Variants in DYNC2H1 observed in about 807,000 individuals in gnomAD.
DYNC2H1 encodes the protein dynein cytoplasmic 2 heavy chain 1.
In DYNC2H1, 410 loss-of-function variants were observed where a neutral mutation model predicts 570.0. The observed-to-expected ratio is 0.72, with a 90% CI of 0.66 to 0.78. DYNC2H1 has a LOEUF of 0.78. Ranked by LOEUF, DYNC2H1 falls within the 30% of genes least tolerant of loss-of-function variation. The probability of loss-of-function intolerance (pLI) is 0.00; values close to 1 mark genes in which losing one functional copy is unlikely to be tolerated. For synonymous variants in DYNC2H1, 1,688 were observed against 1,677.6 expected (o/e 1.01, Z -0.15); for missense variants, 4,865 against 5,046.4 (o/e 0.96, Z 1.09).
chr11:103,357,704 G>A (rs775076528), intron 82 of DYNC2H1, among the ~76,000 whole-genome samples: 1 of 152,226 alleles, frequency 6.6e-6, no homozygotes, highest in Admixed American at 6.5e-5. Flanking sequence ...TATAATCCCA[G>A]CATTTTGGGA....
At position 103,170,401 on chromosome 11, in the gene DYNC2H1, A is replaced by G. The variant is rs1861520348; in HGVS notation, c.5151+111A>G. 9.0e-7 allele frequency: 1 copy of G among 1,114,154 alleles called. No individual in the cohort carries two copies. The highest frequency in any genetic ancestry group is 1.2e-6 in the Non-Finnish European group (1 of 824,194). The allele number at this position is 1,114,154 out of a possible 1,614,324, so 69.0% of individuals were successfully genotyped here. On this transcript the variant is annotated intron_variant, in intron 33 of 88. Transcript: ENST00000375735. The surrounding 1 kb of genome is among the most constrained non-coding windows in gnomAD (Gnocchi z 4.8). Reference sequence around the variant, plus strand: ...AAAATCACTACATTTAAATTAGTTGAAGACAGAATTTGTTTAAATTGAAAT... The same window carrying G: ...AAAATCACTACATTTAAATTAGTTGGAGACAGAATTTGTTTAAATTGAAAT...
Position 103,243,883 on chromosome 11 carries a change from C to A in DYNC2H1, c.9918+92C>A. 2 of 982,530 alleles carry A rather than the reference C, an allele frequency of 2.0e-6. No individual in the cohort carries two copies. The highest frequency in any genetic ancestry group is 3.0e-6 in the Non-Finnish European group (2 of 669,472). The allele number at this position is 982,530 out of a possible 1,614,324, so 60.9% of individuals were successfully genotyped here. Reference sequence around the variant, plus strand: ...CTATAATCAGAAAACATAGATTCAACACTGGGTCCTACTGTATGGGACCTT... The same window carrying A: ...CTATAATCAGAAAACATAGATTCAAAACTGGGTCCTACTGTATGGGACCTT... On this transcript the variant is annotated intron_variant, in intron 64 of 88. Transcript: ENST00000375735. The surrounding 1 kb of genome is among the most constrained non-coding windows in gnomAD (Gnocchi z 4.8).
At chr11:103,316,660 T>C in intron 80 of DYNC2H1, 40 bp downstream of exon 80, 2 of 1,382,394 alleles carry the variant, frequency 1.4e-6, no homozygotes, top group Non-Finnish European at 1.9e-6. Context: ...ATTAATAAAA[T>C]ATTTTATCTG....
chr11:103,162,901 G>T (rs958808986), intron 29 of DYNC2H1, 127 bp from the exon 30 acceptor site: 3 of 735,026 alleles, frequency 4.1e-6, no homozygotes, highest in African/African-American at 3.6e-5. Context: ...CAATAGGAAA[G>T]TATAATACCC....
Position 103,468,616 on chromosome 11 carries a change from A to G in DYNC2H1, c.12676A>G (p.Ser4226Gly). The G allele has an allele frequency of 6.2e-7, 1 of 1,613,546 alleles. No individual in the cohort carries two copies. The highest frequency in any genetic ancestry group is 8.5e-7 in the Non-Finnish European group (1 of 1,179,622). ...CAGTGGCTTGTTACTAGAAGGATGT[A>G]GTTTTGATGGAAATCAACTTTCTGA... ...KISGLLLEGCSFDGNQLSENQ... is the reference protein window; with the variant it reads ...KISGLLLEGCGFDGNQLSENQ... The change falls in exon 88 of 89, where the codon AGT becomes GGT. Residue 4226 changes from serine to glycine, a missense_variant. By Grantham distance (56) the Ser-to-Gly change is moderately conservative (BLOSUM62 0). This residue lies in a region of DYNC2H1 where 2,401 missense variants were observed against 2,454.6 expected (regional missense o/e 0.98). Coordinates refer to ENST00000375735, the MANE Select transcript of DYNC2H1 (RefSeq NM_001377.3).
Position 103,185,134 on chromosome 11 carries a change from C to A in DYNC2H1, c.6633+83C>A. 1 of 1,303,080 alleles carries A rather than the reference C, an allele frequency of 7.7e-7. No individual in the cohort carries two copies. The allele number at this position is 1,303,080 out of a possible 1,614,324, so 80.7% of individuals were successfully genotyped here. On this transcript the variant is annotated intron_variant, in intron 41 of 88. Coordinates refer to ENST00000375735, the MANE Select transcript of DYNC2H1 (RefSeq NM_001377.3). This position sits in a 1 kb window ranked among gnomAD's most constrained non-coding sequence, Gnocchi z 4.5. ...ACTGCCAAAACACAATGATTTGTAACTGTAAGATATGGAACTTTTAAAATT... is the reference window on the plus strand; with the variant it reads ...ACTGCCAAAACACAATGATTTGTAAATGTAAGATATGGAACTTTTAAAATT...
chr11:103,320,882 C>A, intron 80 of DYNC2H1, 147 bp from the exon 81 acceptor site: 1 of 653,200 alleles, frequency 1.5e-6, no homozygotes, highest in Admixed American at 3.4e-5. Flanking sequence ...TAAAAAATCT[C>A]AAATATTTAC....
chr11:103,162,281 C>G (rs1050838396), intron 29 of DYNC2H1, among the ~76,000 whole-genome samples: 10 of 151,156 alleles, frequency 6.6e-5, no homozygotes, highest in Middle Eastern at 3.2e-3. Flanking sequence ...GAATGCTCTA[C>G]AGATTGAAAA....
intron 81 of DYNC2H1, among the ~76,000 whole-genome samples, chr11:103,322,734 G>C (rs1938278522): frequency 2.0e-5 from 3 of 152,112 alleles, no homozygotes; most frequent in African/African-American, 7.2e-5. Flanking sequence ...ACTCTACAAA[G>C]AGTAAATATT....
chr11:103,272,945 C>T (rs1037280023), intron 70 of DYNC2H1, among the ~76,000 whole-genome samples: 1 of 151,958 alleles, frequency 6.6e-6, no homozygotes, highest in African/African-American at 2.4e-5. Context: ...TTAAACAAAA[C>T]TCAAGTATAT....
intron 52 of DYNC2H1, among the ~76,000 whole-genome samples, chr11:103,206,210 G>A (rs1339651475): frequency 6.6e-6 from 1 of 152,116 alleles, no homozygotes; most frequent in Non-Finnish European, 1.5e-5. Context: ...AAAGTGAGGG[G>A]TCAATGATCC....
chr11:103,223,781 C>G (rs1863692586), intron 59 of DYNC2H1, among the ~76,000 whole-genome samples: 2 of 149,222 alleles, frequency 1.3e-5, no homozygotes, highest in South Asian at 4.2e-4. Flanking sequence ...CAGAGTCTTG[C>G]TCTGTCGCCA....
At chr11:103,295,428 G>A (rs1392986533) in intron 75 of DYNC2H1, among the ~76,000 whole-genome samples, 9 of 152,192 alleles carry the variant, frequency 5.9e-5, no homozygotes, top group Admixed American at 5.9e-4. Context: ...GCGAAGCTAG[G>A]ACACAAAGGA....
intron 11 of DYNC2H1, among the ~76,000 whole-genome samples, chr11:103,123,537 C>T (rs1035337912): frequency 3.9e-5 from 6 of 151,982 alleles, no homozygotes; most frequent in South Asian, 4.2e-4. Context: ...GGAAACTGAA[C>T]GGTGTTAGGG....
intron 58 of DYNC2H1, 58 bp from the exon 59 acceptor site, chr11:103,222,907 C>T: frequency 6.2e-7 from 1 of 1,601,906 alleles, no homozygotes; most frequent in Non-Finnish European, 8.5e-7. Context: ...TTAGAATTAA[C>T]TTTGCTTTCA....
intron 28 of DYNC2H1, among the ~76,000 whole-genome samples, chr11:103,159,941 T>A (rs183577198): frequency 5.2e-4 from 79 of 152,200 alleles, no homozygotes; most frequent in Admixed American, 1.3e-3. Context: ...GAATGCAGAG[T>A]TGAGTAGTTG....
Position 103,241,870 on chromosome 11 carries a change from A to G in DYNC2H1, c.9820-1823A>G, listed in dbSNP as rs1864434559. Among the ~76,000 whole-genome samples the G allele has an allele frequency of 9.6e-6, 1 of 104,488 alleles. No individual in the cohort carries two copies. Among genetic ancestry groups the G allele is most frequent in the South Asian group, 2.6e-4 (1 of 3,830 alleles). The allele number at this position is 104,488 out of a possible 152,430, so 68.5% of individuals were successfully genotyped here. Reference sequence around the variant, plus strand: ...CCTTGTCTGTGGACCATTTTAAAATAATAATAATAAAGCTGTTTTAAAGTC... The same window carrying G: ...CCTTGTCTGTGGACCATTTTAAAATGATAATAATAAAGCTGTTTTAAAGTC... On this transcript the variant is annotated intron_variant, in intron 63 of 88. Coordinates refer to ENST00000375735, the MANE Select transcript of DYNC2H1 (RefSeq NM_001377.3). The surrounding 1 kb of genome is among the most constrained non-coding windows in gnomAD (Gnocchi z 5.1).
intron 70 of DYNC2H1, among the ~76,000 whole-genome samples, chr11:103,270,208 A>ATG (rs1865651585): frequency 2.7e-5 from 4 of 147,338 alleles, no homozygotes; most frequent in Non-Finnish European, 4.5e-5. Flanking sequence ...AAAAAAAAAA[A>ATG]ATAATAATAA....
chr11:103,147,370 T>C (rs1476742760), intron 18 of DYNC2H1, among the ~76,000 whole-genome samples: 1 of 152,190 alleles, frequency 6.6e-6, no homozygotes, highest in Non-Finnish European at 1.5e-5. Context: ...CATTTAATTT[T>C]GCCTTATTTT....
Sources: allele counts gnomAD v4.1 joint callset (sites outside exome capture counted in the v4.1 genomes callset), GRCh38; gene constraint gnomAD v4.1.1; regional missense constraint gnomAD v4.1.1; non-coding constraint Gnocchi (gnomAD v3.1); transcripts MANE v1.5; gene names NCBI Gene and HGNC (gene_info 2026-07-23, HGNC 2026-07-21).